The following STRIP2 variants were observed in gnomAD, a reference collection of about 807,000 sequenced individuals.
The protein encoded by STRIP2 is striatin-interacting protein 2.
In STRIP2, 84 loss-of-function variants were observed where a neutral mutation model predicts 107.1. The observed-to-expected ratio is 0.78, with a 90% CI of 0.66 to 0.94. STRIP2 has a LOEUF of 0.94. Among genes scored for constraint, STRIP2 ranks in the 40% least tolerant of loss-of-function variants. The pLI is 0.00. For missense variants in STRIP2, 888 were observed against 1,034.2 expected (o/e 0.86, Z 1.94); for synonymous variants, 394 against 400.4 (o/e 0.98, Z 0.19).
chr7:129,459,459 G>A, intron 11 of STRIP2, 58 bp from the exon 12 acceptor site: 1 of 1,435,522 alleles, frequency 7.0e-7, no homozygotes, highest in Non-Finnish European at 9.8e-7. Context: ...GGGTATTGGG[G>A]TATCAGTAGT....
intron 18 of STRIP2, among the ~76,000 whole-genome samples, chr7:129,478,664 G>A (rs2151018095): frequency 6.6e-6 from 1 of 152,304 alleles, no homozygotes; most frequent in South Asian, 2.1e-4. Context: ...GAAAGTCCAT[G>A]TAAATCACGG....
intron 20 of STRIP2, among the ~76,000 whole-genome samples, chr7:129,484,975 T>C (rs1467221232): frequency 2.0e-5 from 3 of 152,194 alleles, no homozygotes; most frequent in African/African-American, 4.8e-5. Flanking sequence ...TTTACCTTCA[T>C]TGAAGCCGTC....
Position 129,463,149 on chromosome 7 carries a change from T to G in STRIP2, c.1551+109T>G. ...CACTTGAGCTTGTTTCCTGAGCCTT[T>G]GCCCCTTTGGCAAGGCATTCTCTGA... On this transcript the variant is annotated intron_variant, in intron 14 of 20. Transcript: ENST00000249344. The G allele has an allele frequency of 5.5e-6, 5 of 908,618 alleles. No individual in the cohort carries two copies. The South Asian group carries it at 8.6e-5, about 16-fold the overall frequency. The allele number at this position is 908,618 out of a possible 1,614,324, so 56.3% of individuals were successfully genotyped here.
intron 4 of STRIP2, among the ~76,000 whole-genome samples, chr7:129,452,664 G>A (rs1457527139): frequency 6.6e-6 from 1 of 152,186 alleles, no homozygotes; most frequent in Non-Finnish European, 1.5e-5. Flanking sequence ...TAGGATTATA[G>A]GCATGTGCCA....
At position 129,458,889 on chromosome 7, in the gene STRIP2, C is replaced by T; in HGVS notation, c.1340+112C>T. ...GGTGGTCATAATGTAACCTAGAGCC[C>T]CTAGGCCATGGACAACTCCCAGTGA... On this transcript the variant is annotated intron_variant, in intron 11 of 20. Transcript: ENST00000249344. This position sits in a 1 kb window ranked among gnomAD's most constrained non-coding sequence, Gnocchi z 4.6. 1 of 1,024,174 alleles carries T rather than the reference C, an allele frequency of 9.8e-7. No homozygotes were observed. The highest frequency in any genetic ancestry group is 1.5e-6 in the Non-Finnish European group (1 of 661,036). 63.4% of individuals were successfully genotyped at this position (1,024,174 alleles called of 1,614,324 possible).
At chr7:129,456,840 T>A (rs965358288) in intron 9 of STRIP2, among the ~76,000 whole-genome samples, 198 bp downstream of exon 9, 2 of 152,102 alleles carry the variant, frequency 1.3e-5, no homozygotes, top group Admixed American at 6.5e-5. Flanking sequence ...TGCGCTGTTG[T>A]GATGTGACAC....
At chr7:129,446,354 T>C (rs913640728) in intron 3 of STRIP2, among the ~76,000 whole-genome samples, 1 of 152,212 alleles carries the variant, frequency 6.6e-6, no homozygotes, top group African/African-American at 2.4e-5. Context: ...CTTTCCCCAA[T>C]TTTTTTGTCA....
At position 129,483,034 on chromosome 7, in the gene STRIP2, G is replaced by A. The variant is rs1799168556; in HGVS notation, c.2242G>A (p.Ala748Thr). Residue 748 changes from alanine to threonine, a missense_variant, in exon 20 of 21, where the codon GCT becomes ACT. Physicochemically the swap from Ala to Thr is moderately conservative, Grantham distance 58. Coordinates refer to ENST00000249344, the MANE Select transcript of STRIP2 (RefSeq NM_020704.3). This position sits in a 1 kb window ranked among gnomAD's most constrained non-coding sequence, Gnocchi z 5.1. Reference sequence around the variant, plus strand: ...GCGTCACCGCATGAACGATGACTGGGCTTACGGGAATGGTGAGTCTTCCCA... The same window carrying A: ...GCGTCACCGCATGAACGATGACTGGACTTACGGGAATGGTGAGTCTTCCCA... ...KVRHRMNDDW[A>T]YGNDIDARPW... is the part of the protein sequence containing the mutation. 1.9e-6 allele frequency: 3 copies of A among 1,614,044 alleles called. No homozygotes were observed. The highest frequency in any genetic ancestry group is 2.5e-6 in the Non-Finnish European group (3 of 1,180,022).
At chr7:129,464,542 A>C in intron 15 of STRIP2, 70 bp from the exon 16 acceptor site, 1 of 1,563,298 alleles carries the variant, frequency 6.4e-7, no homozygotes, top group Non-Finnish European at 8.8e-7. Flanking sequence ...ATCAGACCCA[A>C]ATACCTGGAT....
intron 3 of STRIP2, among the ~76,000 whole-genome samples, chr7:129,445,919 G>A (rs565148365): frequency 6.6e-6 from 1 of 152,310 alleles, no homozygotes; most frequent in South Asian, 2.1e-4. Context: ...GTCTATTCTA[G>A]TGAGGACAAA....
intron 17 of STRIP2, among the ~76,000 whole-genome samples, chr7:129,469,028 C>T (rs1195858658): frequency 2.6e-5 from 4 of 152,260 alleles, no homozygotes; most frequent in Non-Finnish European, 5.9e-5. Flanking sequence ...TGCCCCACCT[C>T]AGAGACTGAA....
At chr7:129,475,843 T>G (rs1181752127) in intron 18 of STRIP2, among the ~76,000 whole-genome samples, 1 of 152,022 alleles carries the variant, frequency 6.6e-6, no homozygotes, top group South Asian at 2.1e-4. Context: ...TAACCCTGAG[T>G]GGACACAGCA....
At chr7:129,463,993 C>T in intron 14 of STRIP2, 51 bp from the exon 15 acceptor site, 2 of 1,468,034 alleles carry the variant, frequency 1.4e-6, no homozygotes, top group Non-Finnish European at 9.5e-7. Flanking sequence ...GAATCACTTC[C>T]TTGCTGAGTG....
At chr7:129,447,098 A>T (rs1798057968) in intron 3 of STRIP2, among the ~76,000 whole-genome samples, 1 of 152,184 alleles carries the variant, frequency 6.6e-6, no homozygotes, top group Admixed American at 6.5e-5. Flanking sequence ...TCTGCCGCTG[A>T]CACCTCAAGC....
intron 13 of STRIP2, 32 bp downstream of exon 13, chr7:129,460,404 GT>G: frequency 6.3e-7 from 1 of 1,590,022 alleles, no homozygotes; most frequent in East Asian, 2.2e-5. Context: ...CAGGAGGAGA[GT>G]AGAAGAAAAC....
At chr7:129,476,878 G>C (rs1473455242) in intron 18 of STRIP2, among the ~76,000 whole-genome samples, 1 of 151,922 alleles carries the variant, frequency 6.6e-6, no homozygotes, top group Admixed American at 6.6e-5. Context: ...ACTCCAGCCT[G>C]GGCAACATTG....
rs1263207961 is a variant in STRIP2 at position 129,434,597 on chromosome 7, C to G, written c.125C>G (p.Ser42Ter). 4.7e-6 allele frequency: 7 copies of G among 1,504,622 alleles called. No homozygotes were observed. The highest frequency in any genetic ancestry group is 2.9e-5 in the African/African-American group (2 of 69,392). 93.2% of individuals were successfully genotyped at this position (1,504,622 alleles called of 1,614,324 possible). A position where few individuals can be genotyped will look rare whatever the true frequency, so the allele number is the denominator to read the frequency against. The part of the protein sequence containing the change: ...REAFRSQRRE[S>*]EGSVDCPTLE... ...GCGTTCCGAAGCCAGCGGCGGGAGT[C>G]AGAGGTGAGGAGCCCGGAAAGCTTC... is the stretch of plus-strand genomic sequence containing the variant. Residue 42 changes from serine (S) to a stop codon, truncating the protein, a stop_gained, in exon 1 of 21, where the codon TCA becomes TGA. Transcript: ENST00000249344. LOFTEE classifies it high-confidence loss of function.
rs1003271639 is a variant in STRIP2, at chr7:129,461,029, G to A, written c.1476+657G>A. Among the ~76,000 whole-genome samples the A allele has an allele frequency of 2.0e-5, 3 of 152,242 alleles. No individual in the cohort carries two copies. Among genetic ancestry groups the A allele is most frequent in the Non-Finnish European group, 4.4e-5 (3 of 68,040 alleles). ...TAGCTTCTGTGTAAAGATTGGACCA[G>A]AAAAGCATAGACGCACTCTACGGAG... On this transcript the variant is annotated intron_variant, in intron 13 of 20. Coordinates refer to ENST00000249344, the MANE Select transcript of STRIP2 (RefSeq NM_020704.3). The surrounding 1 kb of genome is among the most constrained non-coding windows in gnomAD (Gnocchi z 4.0).
chr7:129,456,937 A>G (rs970885126), intron 9 of STRIP2, among the ~76,000 whole-genome samples: 1 of 152,140 alleles, frequency 6.6e-6, no homozygotes, highest in African/African-American at 2.4e-5. Context: ...ATTCTGAATA[A>G]CAATTAAGGG....
Sources: allele counts gnomAD v4.1 joint callset (sites outside exome capture counted in the v4.1 genomes callset), GRCh38; gene constraint gnomAD v4.1.1; non-coding constraint Gnocchi (gnomAD v3.1); transcripts MANE v1.5; gene names NCBI Gene and HGNC (gene_info 2026-07-23, HGNC 2026-07-21).